BANF2: variants seen among roughly 807,000 people sequenced by gnomAD.
BANF2 encodes the protein BANF family member 2.
In BANF2, 4 loss-of-function variants were observed where a neutral mutation model predicts 8.0. The ratio of observed to expected loss-of-function variants is 0.50; its 90% confidence interval spans 0.25 to 1.14. BANF2 has a LOEUF of 1.14. BANF2 is among the 50% of genes most tolerant of loss of function. BANF2 has a pLI of 0.16. For missense variants in BANF2, 96 were observed against 107.5 expected (o/e 0.89, Z 0.47); for synonymous variants, 50 against 40.6 (o/e 1.23, Z -0.88).
chr20:17,720,048 A>G (rs2037707107), intron 1 of BANF2, among the ~76,000 whole-genome samples: 1 of 152,208 alleles, frequency 6.6e-6, no homozygotes, highest in Non-Finnish European at 1.5e-5. Context: ...ACCCTATGCT[A>G]ATGAAATCAA....
At chr20:17,714,383 G>A (rs1315184800) in intron 1 of BANF2, among the ~76,000 whole-genome samples, 1 of 152,104 alleles carries the variant, frequency 6.6e-6, no homozygotes, top group Admixed American at 6.6e-5. Context: ...CCAAAGGGAA[G>A]GGAATATTTT....
intron 1 of BANF2, among the ~76,000 whole-genome samples, chr20:17,711,489 G>A (rs1365719955): frequency 1.3e-5 from 2 of 152,212 alleles, no homozygotes; most frequent in East Asian, 1.9e-4. Flanking sequence ...CCTGAGAGCC[G>A]GGTTCCGGTG....
intron 1 of BANF2, among the ~76,000 whole-genome samples, chr20:17,703,236 G>T (rs1398341578): frequency 6.6e-6 from 1 of 152,106 alleles, no homozygotes; most frequent in Non-Finnish European, 1.5e-5. Context: ...CATTCCAATT[G>T]CTCCTTATCT....
chr20:17,732,555 C>T (rs1001641074), intron 3 of BANF2, among the ~76,000 whole-genome samples: 3 of 152,182 alleles, frequency 2.0e-5, no homozygotes, highest in African/African-American at 7.2e-5. Context: ...TGGGGTTTCA[C>T]TATGTTGGCC....
rs549106227 is a variant in BANF2 at position 17,729,107 on chromosome 20, T to C, written c.126+3956T>C. ...TTCTGCTGGACAGCACTGGTCTAGA[T>C]GTAAGGGCGAAAGAGCCGTAAGGGA... On this transcript the variant is annotated intron_variant, in intron 3 of 3. Coordinates refer to ENST00000246090, the MANE Select transcript of BANF2 (RefSeq NM_178477.5). Among the ~76,000 whole-genome samples, 7 of 152,270 alleles carry C rather than the reference T, an allele frequency of 4.6e-5. No individual in the cohort carries two copies. The South Asian group carries it at 1.4e-3, about 32-fold the overall frequency.
chr20:17,735,019 C>T (rs2037955888), intron 3 of BANF2, among the ~76,000 whole-genome samples: 1 of 152,070 alleles, frequency 6.6e-6, no homozygotes, highest in South Asian at 2.1e-4. Flanking sequence ...GCGGAGGTTG[C>T]AGTGAGCCGA....
intron 3 of BANF2, among the ~76,000 whole-genome samples, chr20:17,725,736 C>A (rs1456195943): frequency 1.3e-5 from 2 of 152,186 alleles, no homozygotes; most frequent in African/African-American, 4.8e-5. Context: ...ATGAGACAGT[C>A]CCAAAGACAA....
intron 1 of BANF2, among the ~76,000 whole-genome samples, chr20:17,716,211 G>A (rs2037649849): frequency 6.6e-6 from 1 of 152,242 alleles, no homozygotes; most frequent in Admixed American, 6.5e-5. Context: ...CAAAATGGAG[G>A]CATTTCTCCC....
chr20:17,698,893 G>A (rs985420812), upstream of BANF2, among the ~76,000 whole-genome samples: 1 of 152,198 alleles, frequency 6.6e-6, no homozygotes, highest in African/African-American at 2.4e-5. Flanking sequence ...AGCAACCCCT[G>A]AATACTGCCA....
chr20:17,696,510 G>T (rs1170777028), upstream of BANF2, among the ~76,000 whole-genome samples: 1 of 152,116 alleles, frequency 6.6e-6, no homozygotes, highest in Non-Finnish European at 1.5e-5. Context: ...AGCCATTCTG[G>T]TGGGCATGTA....
intron 1 of BANF2, among the ~76,000 whole-genome samples, chr20:17,709,740 G>A (rs2093396485): frequency 6.6e-6 from 1 of 152,200 alleles, no homozygotes; most frequent in African/African-American, 2.4e-5. Context: ...AATGCCATAG[G>A]TCAGTTAATT....
chr20:17,720,688 T>A (rs1438163371), intron 1 of BANF2, among the ~76,000 whole-genome samples: 2 of 151,906 alleles, frequency 1.3e-5, no homozygotes. Flanking sequence ...GGATATGGAG[T>A]TTCAATTTTG....
upstream of BANF2, among the ~76,000 whole-genome samples, chr20:17,699,558 A>G (rs1179662911): frequency 5.3e-5 from 8 of 152,192 alleles, no homozygotes; most frequent in South Asian, 1.5e-3. Flanking sequence ...CTGCCCTGGA[A>G]TTTCAAGTCC....
intron 1 of BANF2, among the ~76,000 whole-genome samples, chr20:17,702,843 A>G (rs1178529755): frequency 6.6e-6 from 1 of 152,204 alleles, no homozygotes; most frequent in East Asian, 1.9e-4. Context: ...GTCTCATATG[A>G]TAGCCACTAG....
At chr20:17,729,475 G>A (rs1024780832) in intron 3 of BANF2, among the ~76,000 whole-genome samples, 1 of 152,176 alleles carries the variant, frequency 6.6e-6, no homozygotes, top group South Asian at 2.1e-4. Flanking sequence ...GGTGGCTCAC[G>A]CCTGTAATCC....
upstream of BANF2, among the ~76,000 whole-genome samples, chr20:17,699,664 G>A (rs372300468): frequency 1.3e-5 from 2 of 152,192 alleles, no homozygotes; most frequent in African/African-American, 2.4e-5. Flanking sequence ...CTGAATTGAC[G>A]CAGGCCAGGT....
At chr20:17,697,131 T>G (rs1041261045), upstream of BANF2, among the ~76,000 whole-genome samples, 10 of 152,078 alleles carry the variant, frequency 6.6e-5, no homozygotes, top group Non-Finnish European at 1.3e-4. Context: ...ATATTAATCC[T>G]AACAGGCCAG....
intron 3 of BANF2, among the ~76,000 whole-genome samples, chr20:17,727,199 G>A (rs1356104754): frequency 6.6e-6 from 1 of 152,192 alleles, no homozygotes; most frequent in South Asian, 2.1e-4. Context: ...GTGTGCAGCC[G>A]GGTCCCTGGA....
At chr20:17,735,010 C>T (rs962664583) in intron 3 of BANF2, among the ~76,000 whole-genome samples, 13 of 152,006 alleles carry the variant, frequency 8.6e-5, no homozygotes, top group African/African-American at 1.2e-4. Context: ...TCGCTTGAGG[C>T]GGAGGTTGCA....
Sources: allele counts gnomAD v4.1 joint callset (sites outside exome capture counted in the v4.1 genomes callset), GRCh38; gene constraint gnomAD v4.1.1; transcripts MANE v1.5; gene names NCBI Gene and HGNC (gene_info 2026-07-23, HGNC 2026-07-21).